The following CBLB variants were observed in gnomAD, a reference collection of about 807,000 sequenced individuals.
The protein encoded by CBLB is E3 ubiquitin-protein ligase CBL-B.
Under a neutral mutation model 104.9 loss-of-function variants are expected in CBLB, and 31 were observed. The observed-to-expected ratio is 0.30, with a 90% CI of 0.22 to 0.40. The LOEUF (loss-of-function observed/expected upper bound fraction) is 0.40, where lower values mean the gene tolerates loss of function less well. CBLB is among the 10% of genes least tolerant of loss of function. CBLB has a pLI of 1.00. For synonymous variants in CBLB, 440 were observed against 422.6 expected (o/e 1.04, Z -0.51); for missense variants, 1,062 against 1,214.6 (o/e 0.87, Z 1.87).
chr3:105,761,147 C>T (rs1257882434), intron 4 of CBLB, among the ~76,000 whole-genome samples: 2 of 152,194 alleles, frequency 1.3e-5, no homozygotes, highest in Non-Finnish European at 2.9e-5. Context: ...ATTCTGGTGC[C>T]TCAGCCTCGT....
In CBLB at chr3:105,853,688, A is replaced by G. The variant is rs921434936; in HGVS notation, c.169-24T>C. 6 of 1,493,018 alleles carry G rather than the reference A, an allele frequency of 4.0e-6. No homozygotes were observed. In the African/African-American group the frequency reaches 8.4e-5, roughly 21 times the overall value. The allele number at this position is 1,493,018 out of a possible 1,614,324, so 92.5% of individuals were successfully genotyped here. A position where few individuals can be genotyped will look rare whatever the true frequency, so the allele number is the denominator to read the frequency against. On this transcript the variant is annotated intron_variant, in intron 2 of 18. Transcript: ENST00000394030. ...ACCTAAAAACAAAGATAAAAATAAA[A>G]TAAGTCATAATATTTTATTTCACAG...
At chr3:105,660,618 G>A (rs928019280) in intron 18 of CBLB, among the ~76,000 whole-genome samples, 3 of 152,076 alleles carry the variant, frequency 2.0e-5, no homozygotes, top group Non-Finnish European at 2.9e-5. Flanking sequence ...TAAATTCAAG[G>A]ACAGAGTTAA....
intron 3 of CBLB, among the ~76,000 whole-genome samples, chr3:105,851,405 C>T (rs955845310): frequency 9.2e-5 from 14 of 152,086 alleles, no homozygotes; most frequent in South Asian, 2.1e-4. Flanking sequence ...AAGTAGATCA[C>T]GGGGCATTTT....
At chr3:105,672,326 A>G (rs2065161084) in intron 17 of CBLB, 2 of 180,776 alleles carry the variant, frequency 1.1e-5, no homozygotes, top group Non-Finnish European at 2.4e-5. Context: ...TATTATAAAT[A>G]GCAAAAATAC....
intron 3 of CBLB, among the ~76,000 whole-genome samples, chr3:105,779,528 T>C (rs1440020041): frequency 1.3e-5 from 2 of 152,068 alleles, no homozygotes; most frequent in Non-Finnish European, 2.9e-5. Flanking sequence ...TTCCAGAATA[T>C]ATATATTTAC....
At chr3:105,739,054 C>A (rs971926169) in intron 7 of CBLB, among the ~76,000 whole-genome samples, 1 of 152,172 alleles carries the variant, frequency 6.6e-6, no homozygotes, top group East Asian at 1.9e-4. Flanking sequence ...ACTACCGTCA[C>A]GCGCCACCAT....
chr3:105,754,525 G>GAAAC (rs1553767667), intron 4 of CBLB, among the ~76,000 whole-genome samples: 324 of 15,994 alleles, frequency 0.02, 1 homozygote, highest in Middle Eastern at 0.079. Context: ...GAGAGAGACA[G>GAAAC]AGAGAGAGAG....
intron 10 of CBLB, 116 bp downstream of exon 10, chr3:105,719,929 ATG>A: frequency 2.6e-6 from 2 of 766,966 alleles, no homozygotes; most frequent in Admixed American, 2.0e-5. Context: ...CTAGGCTAGT[ATG>A]TGTGTGTGCC....
chr3:105,771,157 G>A (rs1023947296), intron 4 of CBLB, among the ~76,000 whole-genome samples: 11 of 152,142 alleles, frequency 7.2e-5, no homozygotes, highest in East Asian at 1.9e-4. Flanking sequence ...CAAAATACTA[G>A]CTAACTAATC....
chr3:105,666,672 C>G (rs375249539), intron 18 of CBLB, among the ~76,000 whole-genome samples: 6 of 151,668 alleles, frequency 4.0e-5, no homozygotes, highest in Admixed American at 2.6e-4. Flanking sequence ...GGCGACAGAG[C>G]GAGACTCCAT....
At chr3:105,742,594 G>C (rs919028796) in intron 6 of CBLB, among the ~76,000 whole-genome samples, 1 of 151,814 alleles carries the variant, frequency 6.6e-6, no homozygotes, top group Non-Finnish European at 1.5e-5. Flanking sequence ...GATATTATGA[G>C]AAGTGCCAAA....
At chr3:105,771,568 CA>C (rs2078878390) in intron 4 of CBLB, among the ~76,000 whole-genome samples, 1 of 151,900 alleles carries the variant, frequency 6.6e-6, no homozygotes, top group Admixed American at 6.6e-5. Context: ...AAGAAGCATC[CA>C]AATTGGAAAA....
intron 2 of CBLB, among the ~76,000 whole-genome samples, chr3:105,860,873 C>A (rs1338732091): frequency 6.6e-6 from 1 of 152,172 alleles, no homozygotes; most frequent in East Asian, 1.9e-4. Flanking sequence ...GTCAGTGTTC[C>A]TGTCAGCTGA....
intron 5 of CBLB, among the ~76,000 whole-genome samples, chr3:105,749,375 C>T (rs1194104458): frequency 1.3e-5 from 2 of 152,124 alleles, no homozygotes; most frequent in Non-Finnish European, 2.9e-5. Context: ...AAAAATAGCC[C>T]TTTCTTTTCC....
chr3:105,670,391 C>CT, intron 17 of CBLB, 39 bp from the exon 18 acceptor site: 1 of 1,571,280 alleles, frequency 6.4e-7, no homozygotes, highest in Non-Finnish European at 8.7e-7. Flanking sequence ...AAAGGATGAT[C>CT]TCTGTTGATT....
In CBLB at chr3:105,664,674, C is replaced by T. The variant is rs1277191020; in HGVS notation, c.2690-5445G>A. Among the ~76,000 whole-genome samples, 6 of 152,114 alleles carry T rather than the reference C, an allele frequency of 3.9e-5. No homozygotes were observed. The East Asian group carries it at 1.2e-3, about 29-fold the overall frequency. ...AGATCTCCTCTGATACTCTTAAAGG[C>T]CTCAGCTGCACAAGTATCTAAGACT... On this transcript the variant is annotated intron_variant, in intron 18 of 18. Transcript: ENST00000394030.
intron 18 of CBLB, among the ~76,000 whole-genome samples, chr3:105,664,668 TA>T (rs1382138160): frequency 1.3e-5 from 2 of 152,170 alleles, no homozygotes; most frequent in African/African-American, 4.8e-5. Flanking sequence ...CTGATACTCT[TA>T]AAGGCCTCAG....
chr3:105,705,999 A>T (rs1389928774), intron 10 of CBLB, among the ~76,000 whole-genome samples: 1 of 151,946 alleles, frequency 6.6e-6, no homozygotes, highest in Non-Finnish European at 1.5e-5. Flanking sequence ...TTAAATTAGA[A>T]TGGTGTGGTG....
At chr3:105,744,851 A>C (rs1001571318) in intron 6 of CBLB, among the ~76,000 whole-genome samples, 15 of 152,170 alleles carry the variant, frequency 9.9e-5, no homozygotes, top group African/African-American at 3.6e-4. Context: ...AATTGCTCGA[A>C]CCAGGGAGTC....
Sources: gnomAD v4.1 joint callset for allele counts (sites outside exome capture counted in the v4.1 genomes callset) on GRCh38, gnomAD v4.1.1 for gene constraint, MANE v1.5 for transcripts, NCBI Gene and HGNC (gene_info 2026-07-23, HGNC 2026-07-21) for gene names.